FBXL7: variants seen among roughly 807,000 people sequenced by gnomAD.
FBXL7 encodes the protein F-box and leucine rich repeat protein 7.
Under a neutral mutation model 38.3 loss-of-function variants are expected in FBXL7, and 12 were observed. The ratio of observed to expected loss-of-function variants is 0.31; its 90% confidence interval spans 0.20 to 0.51. The LOEUF is 0.51. Ranked by LOEUF, FBXL7 falls within the 20% of genes least tolerant of loss-of-function variation. FBXL7 has a pLI of 0.98. For missense variants in FBXL7, 567 were observed against 676.4 expected, an observed-to-expected ratio of 0.84 and a Z score of 1.79; for synonymous variants, 297 against 300.9, an observed-to-expected ratio of 0.99 and a Z score of 0.13.
At chr5:15,915,713 G>A (rs115812164) in intron 2 of FBXL7, among the ~76,000 whole-genome samples, 35 of 152,210 alleles carry the variant, frequency 2.3e-4, no homozygotes, top group Middle Eastern at 3.4e-3. Context: ...TTTTGATGCC[G>A]GGAAAAATGG....
chr5:15,889,345 C>T (rs557089447), intron 2 of FBXL7, among the ~76,000 whole-genome samples: 1 of 152,180 alleles, frequency 6.6e-6, no homozygotes, highest in African/African-American at 2.4e-5. Flanking sequence ...TGTGACTTAC[C>T]GGAGTGCTCG....
intron 2 of FBXL7, among the ~76,000 whole-genome samples, chr5:15,721,478 A>G (rs375534508): frequency 1.3e-5 from 2 of 152,290 alleles, no homozygotes; most frequent in East Asian, 1.9e-4. Flanking sequence ...TGTGGGGCCT[A>G]TCTTCTCATT....
chr5:15,898,474 AG>A (rs1309231184), intron 2 of FBXL7, among the ~76,000 whole-genome samples: 3 of 152,234 alleles, frequency 2.0e-5, no homozygotes, highest in Admixed American at 2.0e-4. Flanking sequence ...AGAAAGCAGA[AG>A]GGATATCCTG....
intron 2 of FBXL7, among the ~76,000 whole-genome samples, chr5:15,727,523 T>C (rs780759957): frequency 5.9e-5 from 9 of 152,178 alleles, no homozygotes; most frequent in Non-Finnish European, 1.2e-4. Context: ...TTTAGTTTTT[T>C]AGAGCTTTGA....
At chr5:15,529,382 C>T (rs191460842) in intron 1 of FBXL7, among the ~76,000 whole-genome samples, 1 of 151,642 alleles carries the variant, frequency 6.6e-6, no homozygotes, top group African/African-American at 2.4e-5. Flanking sequence ...AGTGTTGTAA[C>T]CTAACTTCTT....
intron 2 of FBXL7, among the ~76,000 whole-genome samples, chr5:15,841,653 A>AG (rs1401119882): frequency 2.6e-4 from 40 of 152,216 alleles, no homozygotes; most frequent in Admixed American, 2.6e-3. Context: ...TTTCCCTATG[A>AG]GGGAAAAATG....
chr5:15,919,747 G>A (rs1741691154), intron 2 of FBXL7, among the ~76,000 whole-genome samples: 1 of 152,096 alleles, frequency 6.6e-6, no homozygotes, highest in Non-Finnish European at 1.5e-5. Context: ...TATATTTATT[G>A]TCTTCATCTT....
At chr5:15,921,120 G>A (rs1287070512) in intron 2 of FBXL7, among the ~76,000 whole-genome samples, 1 of 151,938 alleles carries the variant, frequency 6.6e-6, no homozygotes, top group Admixed American at 6.6e-5. Flanking sequence ...AGTGGCTCAC[G>A]CCTGTAATCT....
chr5:15,696,192 A>G (rs1436451133), intron 2 of FBXL7, among the ~76,000 whole-genome samples: 1 of 152,228 alleles, frequency 6.6e-6, no homozygotes, highest in Non-Finnish European at 1.5e-5. Flanking sequence ...GGTTAACTGC[A>G]GTTTTACAGT....
At position 15,612,564 on chromosome 5, in the gene FBXL7, TAATG is replaced by T. The variant is rs374138847; in HGVS notation, c.38-3415_38-3412del. Among the ~76,000 whole-genome samples, 91 of 152,304 alleles carry T rather than the reference TAATG, an allele frequency of 6.0e-4. 2 individuals carry two copies. In the East Asian group the frequency reaches 0.011, roughly 18 times the overall value. The stretch of plus-strand genomic sequence containing the variant: ...TTCATTTTCATGATAATCTTAAAAA[TAATG>T]AATAACTGTGTACTGGTTCCCCTTT... On this transcript the variant is annotated intron_variant, in intron 1 of 3. Coordinates refer to ENST00000504595, the MANE Select transcript of FBXL7 (RefSeq NM_012304.5).
intron 2 of FBXL7, among the ~76,000 whole-genome samples, chr5:15,692,346 G>C (rs928410979): frequency 6.6e-6 from 1 of 152,140 alleles, no homozygotes; most frequent in African/African-American, 2.4e-5. Flanking sequence ...CTACAAAAAG[G>C]CTACAAAAAG....
intron 2 of FBXL7, among the ~76,000 whole-genome samples, chr5:15,823,101 C>T (rs1166641748): frequency 7.2e-5 from 11 of 152,112 alleles, no homozygotes; most frequent in African/African-American, 1.4e-4. Context: ...GATAACTAGA[C>T]GGGTCTGATG....
intron 1 of FBXL7, among the ~76,000 whole-genome samples, chr5:15,518,324 C>G (rs996255651): frequency 6.6e-6 from 1 of 152,140 alleles, no homozygotes; most frequent in Non-Finnish European, 1.5e-5. Context: ...TCATACTAGA[C>G]TCACCAGAAG....
At chr5:15,904,901 A>G (rs1741318567) in intron 2 of FBXL7, among the ~76,000 whole-genome samples, 1 of 152,200 alleles carries the variant, frequency 6.6e-6, no homozygotes, top group South Asian at 2.1e-4. Flanking sequence ...GCAACATCGT[A>G]GTATGTAAAA....
chr5:15,816,676 A>G (rs951700826), intron 2 of FBXL7, among the ~76,000 whole-genome samples: 2 of 152,216 alleles, frequency 1.3e-5, no homozygotes, highest in Non-Finnish European at 2.9e-5. Flanking sequence ...ATAAATAATT[A>G]AAATATCTTA....
chr5:15,756,384 G>A (rs150254691), intron 2 of FBXL7, among the ~76,000 whole-genome samples: 1 of 152,238 alleles, frequency 6.6e-6, no homozygotes, highest in Non-Finnish European at 1.5e-5. Context: ...TAACAGACCG[G>A]TTTTAAAAAT....
chr5:15,697,181 T>C (rs1394091529), intron 2 of FBXL7, among the ~76,000 whole-genome samples: 1 of 152,146 alleles, frequency 6.6e-6, no homozygotes, highest in African/African-American at 2.4e-5. Context: ...ACCAGAGTGA[T>C]TTCTAGGGGA....
chr5:15,872,493 G>T (rs1740009649), intron 2 of FBXL7, among the ~76,000 whole-genome samples: 1 of 152,104 alleles, frequency 6.6e-6, no homozygotes, highest in South Asian at 2.1e-4. Flanking sequence ...TGGCAAATTG[G>T]ATAGAGAGTC....
Position 15,937,011 on chromosome 5 carries a change from G to A in FBXL7, c.1301G>A (p.Ser434Asn). Reference protein sequence around the residue: ...ALNCFNLKRLSLKSCESITGQ... With the variant: ...ALNCFNLKRLNLKSCESITGQ... ...AACTGCTTCAACCTCAAGCGGCTCA[G>A]CCTCAAGTCCTGCGAGAGCATCACC... is the stretch of plus-strand genomic sequence containing the variant. The change falls in exon 4 of 4, where the codon AGC becomes AAC. Residue 434 changes from serine (S) to asparagine (N), a missense_variant. Ser to Asn is a conservative substitution (Grantham distance 46). Transcript: ENST00000504595. 1 of 1,614,026 alleles carries A rather than the reference G, an allele frequency of 6.2e-7. No homozygotes were observed.
Sources: allele counts gnomAD v4.1 joint callset (sites outside exome capture counted in the v4.1 genomes callset), GRCh38; gene constraint gnomAD v4.1.1; transcripts MANE v1.5; gene names NCBI Gene and HGNC (gene_info 2026-07-23, HGNC 2026-07-21).